GRIK4: variants seen among roughly 807,000 people sequenced by gnomAD.
GRIK4 encodes the protein glutamate ionotropic receptor kainate type subunit 4.
GRIK4 carries 40 observed loss-of-function variants against 104.9 expected under a neutral mutation model. The ratio of observed to expected loss-of-function variants is 0.38; its 90% CI spans 0.30 to 0.50. The LOEUF (loss-of-function observed/expected upper bound fraction) is 0.50. GRIK4 is among the 20% of genes least tolerant of loss of function. The pLI, the probability that GRIK4 is intolerant of heterozygous loss-of-function variation, is 0.93. For missense variants in GRIK4, 1,047 were observed against 1,308.1 expected (o/e 0.80, Z 3.08); for synonymous variants, 485 against 524.9 (o/e 0.92, Z 1.04).
At chr11:120,975,959 T>C in intron 19 of GRIK4, among the ~76,000 whole-genome samples, 1 of 152,220 alleles carries the variant, frequency 6.6e-6, no homozygotes, top group Non-Finnish European at 1.5e-5. Flanking sequence ...CTGTAAGGAT[T>C]GAGTTAAAAC....
intron 11 of GRIK4, among the ~76,000 whole-genome samples, chr11:120,877,320 G>A (rs758254093): frequency 1.3e-5 from 2 of 152,208 alleles, no homozygotes; most frequent in African/African-American, 2.4e-5. Flanking sequence ...GGGCCTGGGG[G>A]AAAGGAAGCT....
At chr11:120,758,463 G>T (rs1445872939) in intron 3 of GRIK4, among the ~76,000 whole-genome samples, 1 of 152,104 alleles carries the variant, frequency 6.6e-6, no homozygotes, top group African/African-American at 2.4e-5. Context: ...GGGAAATGCT[G>T]CATTTTATAT....
intron 1 of GRIK4, among the ~76,000 whole-genome samples, chr11:120,640,617 T>C (rs1039354568): frequency 2.0e-5 from 3 of 152,228 alleles, no homozygotes; most frequent in Non-Finnish European, 4.4e-5. Flanking sequence ...CAAGCTGCCA[T>C]GTAACTTTCT....
rs542054540 is a variant in GRIK4, at chr11:120,953,032, GA to G, written c.1700+69del. ...TGTCCACCTCTGGGAACTGCATGGGGAGGGGGTGGGGAGGAGGAGAGGGGGA... is the reference window on the plus strand; with the variant it reads ...TGTCCACCTCTGGGAACTGCATGGGGGGGGGTGGGGAGGAGGAGAGGGGGA... On this transcript the variant is annotated intron_variant, in intron 15 of 20. Coordinates refer to ENST00000527524, the MANE Select transcript of GRIK4 (RefSeq NM_014619.5). This position sits in a 1 kb window ranked among gnomAD's most constrained non-coding sequence, Gnocchi z 4.9. The G allele has an allele frequency of 7.4e-4, 724 of 974,610 alleles. 4 individuals are homozygous for G. In the African/African-American group the frequency reaches 8.9e-3, roughly 12 times the overall value. 60.4% of individuals were successfully genotyped at this position (974,610 alleles called of 1,614,324 possible). A position where few individuals can be genotyped will look rare whatever the true frequency, so the allele number is the denominator to read the frequency against.
At chr11:120,546,380 A>G (rs1057380035) in intron 1 of GRIK4, among the ~76,000 whole-genome samples, 2 of 151,996 alleles carry the variant, frequency 1.3e-5, no homozygotes, top group African/African-American at 4.8e-5. Context: ...TTCAGTTGGG[A>G]AAGATTCTCT....
intron 1 of GRIK4, among the ~76,000 whole-genome samples, chr11:120,529,469 G>T (rs749348989): frequency 1.3e-5 from 2 of 152,202 alleles, no homozygotes; most frequent in Admixed American, 1.3e-4. Flanking sequence ...CTAGAGCCCA[G>T]CCTGGGCACC....
At chr11:120,747,104 G>T (rs541373918) in intron 3 of GRIK4, among the ~76,000 whole-genome samples, 1 of 152,104 alleles carries the variant, frequency 6.6e-6, no homozygotes, top group Admixed American at 6.5e-5. Context: ...GCGTGCTGTC[G>T]CCAAACTCTC....
intron 3 of GRIK4, among the ~76,000 whole-genome samples, chr11:120,770,646 G>A (rs973591122): frequency 3.9e-5 from 6 of 152,268 alleles, no homozygotes; most frequent in African/African-American, 1.4e-4. Flanking sequence ...CTTTGACTCT[G>A]GGGAAGTGCC....
At chr11:120,518,137 T>C (rs2136071271) in intron 1 of GRIK4, among the ~76,000 whole-genome samples, 1 of 152,200 alleles carries the variant, frequency 6.6e-6, no homozygotes, top group Admixed American at 6.5e-5. Flanking sequence ...CCAACCTCCA[T>C]TGCTCCCCCT....
intron 1 of GRIK4, among the ~76,000 whole-genome samples, chr11:120,577,887 T>C (rs150718200): frequency 6.6e-6 from 1 of 152,276 alleles, no homozygotes; most frequent in Non-Finnish European, 1.5e-5. Flanking sequence ...TGTGCAGTGC[T>C]CGGATTTCTC....
At position 120,952,950 on chromosome 11, in the gene GRIK4, C is replaced by T; in HGVS notation, c.1686C>T (p.Leu562=). ...CCTATCTGGCCGTCAGCTGTGTCCT[C>T]TTCCTGGTGGCTCGGTACTCTCCTC... ...LLAYLAVSCV[L]FLVARLTPYE... The change falls in exon 15 of 21, where the codon CTC becomes CTT. Residue 562 remains leucine (L), a synonymous_variant. Transcript: ENST00000527524. This position sits in a 1 kb window ranked among gnomAD's most constrained non-coding sequence, Gnocchi z 5.2. 1 of 1,611,372 alleles carries T rather than the reference C, an allele frequency of 6.2e-7. No individual in the cohort carries two copies. Among genetic ancestry groups the T allele is most frequent in the Non-Finnish European group, 8.5e-7 (1 of 1,177,626 alleles).
intron 1 of GRIK4, among the ~76,000 whole-genome samples, chr11:120,648,033 G>A (rs909485044): frequency 2.0e-5 from 3 of 152,158 alleles, no homozygotes; most frequent in Non-Finnish European, 2.9e-5. Context: ...TCTTCTGGCC[G>A]CCGGAGCTGG....
At chr11:120,775,713 T>G (rs1952030125) in intron 3 of GRIK4, among the ~76,000 whole-genome samples, 1 of 152,242 alleles carries the variant, frequency 6.6e-6, no homozygotes, top group South Asian at 2.1e-4. Context: ...CTTTGCAGTT[T>G]CTTATTTAAA....
intron 13 of GRIK4, among the ~76,000 whole-genome samples, chr11:120,914,737 G>A (rs1307109238): frequency 1.3e-5 from 2 of 152,174 alleles, no homozygotes; most frequent in Non-Finnish European, 2.9e-5. Context: ...AGCGCTAGTG[G>A]GAGCTGTCTA....
At chr11:120,516,473 G>C (rs1947725989) in intron 1 of GRIK4, among the ~76,000 whole-genome samples, 1 of 152,106 alleles carries the variant, frequency 6.6e-6, no homozygotes, top group Non-Finnish European at 1.5e-5. Context: ...TGGAGTCAGG[G>C]AGCAGCGGAT....
intron 1 of GRIK4, among the ~76,000 whole-genome samples, chr11:120,530,518 G>A (rs1947911906): frequency 6.6e-6 from 1 of 152,222 alleles, no homozygotes; most frequent in South Asian, 2.1e-4. Flanking sequence ...TCCAGGCTGA[G>A]GAGGTGGCTG....
intron 3 of GRIK4, among the ~76,000 whole-genome samples, chr11:120,684,716 C>CA (rs1555041184): frequency 6.7e-6 from 1 of 148,202 alleles, no homozygotes; most frequent in East Asian, 2.0e-4. Context: ...AATAAAGATG[C>CA]TTTTTTTTTT....
chr11:120,833,400 A>T (rs1953490315), intron 7 of GRIK4, among the ~76,000 whole-genome samples: 1 of 152,216 alleles, frequency 6.6e-6, no homozygotes, highest in Non-Finnish European at 1.5e-5. Context: ...TTAAGGGTAG[A>T]AAAGCTCCAC....
At chr11:120,654,761 A>G (rs542324945) in intron 2 of GRIK4, among the ~76,000 whole-genome samples, 12 of 152,266 alleles carry the variant, frequency 7.9e-5, no homozygotes, top group African/African-American at 2.6e-4. Context: ...ACATCCCCAT[A>G]TTACGAATGA....
Sources: gnomAD v4.1 joint callset for allele counts (sites outside exome capture counted in the v4.1 genomes callset) on GRCh38, gnomAD v4.1.1 for gene constraint, Gnocchi (gnomAD v3.1) non-coding constraint, MANE v1.5 for transcripts, NCBI Gene and HGNC (gene_info 2026-07-23, HGNC 2026-07-21) for gene names.